Variants in DOCK1 observed in about 807,000 individuals in gnomAD.
The protein encoded by DOCK1 is dedicator of cytokinesis 1.
A neutral mutation model predicts 262.7 loss-of-function variants in DOCK1; 138 were observed. That is an observed-to-expected ratio of 0.53 (90% CI 0.46 to 0.61). The LOEUF (loss-of-function observed/expected upper bound fraction) is 0.61. Ranked by LOEUF, DOCK1 falls within the 20% of genes least tolerant of loss-of-function variation. The probability of loss-of-function intolerance (pLI) is 0.00; values close to 1 mark genes in which losing one functional copy is unlikely to be tolerated. For synonymous variants in DOCK1, 866 were observed against 867.4 expected (o/e 1.00, Z 0.03); for missense variants, 1,908 against 2,370.7 (o/e 0.80, Z 4.05).
chr10:127,226,483 C>T (rs539441249), intron 27 of DOCK1, among the ~76,000 whole-genome samples: 2 of 140,756 alleles, frequency 1.4e-5, no homozygotes, highest in South Asian at 2.4e-4. Context: ...GTGGCTCACA[C>T]CTGTCATCTC....
chr10:126,979,461 TC>T (rs2038788035), intron 3 of DOCK1, among the ~76,000 whole-genome samples: 1 of 152,136 alleles, frequency 6.6e-6, no homozygotes, highest in South Asian at 2.1e-4. Context: ...AATATGCCCC[TC>T]CCCCATCACA....
intron 27 of DOCK1, among the ~76,000 whole-genome samples, chr10:127,149,718 G>A (rs886315518): frequency 6.6e-6 from 1 of 152,046 alleles, no homozygotes; most frequent in African/African-American, 2.4e-5. Context: ...ACATTACAAT[G>A]TGTGAACACT....
intron 18 of DOCK1, among the ~76,000 whole-genome samples, chr10:127,034,901 T>C (rs1304208445): frequency 1.3e-5 from 2 of 151,900 alleles, no homozygotes; most frequent in Non-Finnish European, 2.9e-5. Flanking sequence ...CCCCGGGGGG[T>C]GGGGTCAGTG....
chr10:127,273,984 GAATT>G (rs991613284), intron 29 of DOCK1, among the ~76,000 whole-genome samples: 13 of 152,288 alleles, frequency 8.5e-5, no homozygotes, highest in African/African-American at 3.1e-4. Context: ...TTCAGCCTGA[GAATT>G]AAGCTGGATT....
intron 40 of DOCK1, among the ~76,000 whole-genome samples, chr10:127,408,194 T>G (rs2067631597): frequency 6.6e-6 from 1 of 151,924 alleles, no homozygotes; most frequent in South Asian, 2.1e-4. Flanking sequence ...TTAACTCCCC[T>G]CCCCGCCCCG....
chr10:127,103,705 T>C (rs2048380178), intron 23 of DOCK1, among the ~76,000 whole-genome samples: 1 of 152,206 alleles, frequency 6.6e-6, no homozygotes, highest in South Asian at 2.1e-4. Context: ...GTGCAGCCTG[T>C]TCCGTGCTTA....
chr10:126,942,978 C>T lies in DOCK1; in HGVS notation c.47-27724C>T, dbSNP rs914765477. ...GATCATTAAAAACAAACAAATAGGCCGGACGTGGTGGCTCACGCCTGTAAT... is the reference window on the plus strand; with the variant it reads ...GATCATTAAAAACAAACAAATAGGCTGGACGTGGTGGCTCACGCCTGTAAT... On this transcript the variant is annotated intron_variant, in intron 1 of 51. Coordinates refer to ENST00000623213, the MANE Select transcript of DOCK1 (RefSeq NM_001290223.2). Among the ~76,000 whole-genome samples, 20 of 151,980 alleles carry T rather than the reference C, an allele frequency of 1.3e-4. No individual in the cohort carries two copies. The South Asian group carries it at 2.7e-3, about 21-fold the overall frequency.
intron 6 of DOCK1, among the ~76,000 whole-genome samples, chr10:126,993,775 T>C (rs7915237): frequency 0.016 from 2,403 of 152,262 alleles, 62 homozygotes; most frequent in African/African-American, 0.055. Context: ...GCTCAATAGA[T>C]ATTAAAAGGA....
intron 38 of DOCK1, among the ~76,000 whole-genome samples, chr10:127,386,690 G>A (rs1384699227): frequency 6.6e-6 from 1 of 151,830 alleles, no homozygotes; most frequent in Admixed American, 6.6e-5. Flanking sequence ...TAATTATTTC[G>A]TTATGTATTA....
chr10:127,136,856 G>C (rs537584778), intron 27 of DOCK1: 4 of 152,460 alleles, frequency 2.6e-5, no homozygotes, highest in Non-Finnish European at 2.9e-5. Context: ...AAAGCATAAC[G>C]AATTGTACAT....
intron 27 of DOCK1, among the ~76,000 whole-genome samples, chr10:127,178,964 T>C (rs1297352824): frequency 6.6e-6 from 1 of 152,220 alleles, no homozygotes; most frequent in African/African-American, 2.4e-5. Flanking sequence ...TGATCTCCTA[T>C]TCATTCTTTA....
chr10:127,289,822 A>T (rs114557931), intron 29 of DOCK1, among the ~76,000 whole-genome samples: 1 of 149,844 alleles, frequency 6.7e-6, no homozygotes, highest in Non-Finnish European at 1.5e-5. Flanking sequence ...TTGGAACTCA[A>T]TTACAGATTT....
intron 29 of DOCK1, among the ~76,000 whole-genome samples, chr10:127,280,030 AT>A (rs1274983040): frequency 0.053 from 7,333 of 138,728 alleles, 126 homozygotes; most frequent in East Asian, 0.086. Flanking sequence ...ATATATATAT[AT>A]ATAATTTTTT....
chr10:127,195,606 C>T (rs531265768), intron 27 of DOCK1, among the ~76,000 whole-genome samples: 6 of 152,240 alleles, frequency 3.9e-5, no homozygotes, highest in African/African-American at 1.4e-4. Context: ...CGAAACCTTC[C>T]GGGGAGACGG....
At chr10:127,371,083 AC>A (rs1181190326) in intron 33 of DOCK1, among the ~76,000 whole-genome samples, 3 of 152,226 alleles carry the variant, frequency 2.0e-5, no homozygotes, top group African/African-American at 7.2e-5. Flanking sequence ...TTTTGATAAA[AC>A]CAGCTCTGCT....
At chr10:127,216,134 A>C (rs556796624) in intron 27 of DOCK1, among the ~76,000 whole-genome samples, 1 of 152,222 alleles carries the variant, frequency 6.6e-6, no homozygotes, top group East Asian at 1.9e-4. Flanking sequence ...TGACAATGAC[A>C]TGCATGAATG....
intron 31 of DOCK1, among the ~76,000 whole-genome samples, chr10:127,353,874 G>T (rs2064008264): frequency 1.3e-5 from 2 of 152,210 alleles, no homozygotes; most frequent in African/African-American, 4.8e-5. Flanking sequence ...GAACCACAGT[G>T]CGCTCTTCTG....
At chr10:127,121,833 T>C (rs2049601307) in intron 25 of DOCK1, among the ~76,000 whole-genome samples, 1 of 152,166 alleles carries the variant, frequency 6.6e-6, no homozygotes, top group Non-Finnish European at 1.5e-5. Flanking sequence ...TTCTTGAGGG[T>C]TGAGAGTGGC....
At chr10:127,234,540 C>T (rs545288377) in intron 27 of DOCK1, among the ~76,000 whole-genome samples, 2 of 152,182 alleles carry the variant, frequency 1.3e-5, no homozygotes, top group African/African-American at 4.8e-5. Context: ...AGACAGTTTG[C>T]ATGTCTAAGT....
Sources: allele counts gnomAD v4.1 joint callset (sites outside exome capture counted in the v4.1 genomes callset), GRCh38; gene constraint gnomAD v4.1.1; transcripts MANE v1.5; gene names NCBI Gene and HGNC (gene_info 2026-07-23, HGNC 2026-07-21).